PCDHA2: variants seen among roughly 807,000 people sequenced by gnomAD.
PCDHA2 encodes the protein protocadherin alpha-2.
PCDHA2 carries 58 observed loss-of-function variants against 66.0 expected under a neutral mutation model. The ratio of observed to expected loss-of-function variants is 0.88; its 90% CI spans 0.71 to 1.09. The LOEUF is 1.09. Ranked by LOEUF, PCDHA2 falls within the 50% of genes least tolerant of loss-of-function variation. The probability of loss-of-function intolerance (pLI) is 0.00; values close to 1 mark genes in which losing one functional copy is unlikely to be tolerated. For synonymous variants in PCDHA2, 634 were observed against 554.0 expected (o/e 1.14, Z -2.03); for missense variants, 1,267 against 1,242.3 (o/e 1.02, Z -0.30).
At chr5:140,802,769 C>T (rs267600384) in intron 1 of PCDHA2, 3 of 1,612,988 alleles carry the variant, frequency 1.9e-6, no homozygotes, top group Non-Finnish European at 2.5e-6. Flanking sequence ...AGCCGCTGGA[C>T]CACGAGGAGC....
At chr5:140,807,203 G>T (rs1562206612) in intron 1 of PCDHA2, 1 of 1,613,738 alleles carries the variant, frequency 6.2e-7, no homozygotes, top group South Asian at 1.1e-5. Flanking sequence ...GTTTTCCTGG[G>T]GAAGCGGCCA....
intron 1 of PCDHA2, among the ~76,000 whole-genome samples, chr5:140,846,372 T>C (rs1014223048): frequency 1.5e-5 from 1 of 66,612 alleles, no homozygotes; most frequent in Non-Finnish European, 3.6e-5. Flanking sequence ...TTTCTTTCTT[T>C]CTTTTTTTTT....
At chr5:141,000,381 CTCTCTCTCTCTCTCTA>C (rs1443323474) in intron 3 of PCDHA2, among the ~76,000 whole-genome samples, 1 of 61,380 alleles carries the variant, frequency 1.6e-5, no homozygotes, top group African/African-American at 7.4e-5. Flanking sequence ...CTCTCTCTCT[CTCTCTCTCTCTCTCTA>C]TATATATATA....
chr5:140,989,533 T>A (rs114286041), intron 3 of PCDHA2, among the ~76,000 whole-genome samples: 1 of 152,158 alleles, frequency 6.6e-6, no homozygotes, highest in Non-Finnish European at 1.5e-5. Context: ...AGGAGGAAGA[T>A]AGTTTGTAAT....
chr5:140,951,318 G>C (rs2094570791), intron 1 of PCDHA2, among the ~76,000 whole-genome samples: 1 of 152,038 alleles, frequency 6.6e-6, no homozygotes, highest in Non-Finnish European at 1.5e-5. Context: ...TGTTATTCTT[G>C]AGATTCATCA....
At chr5:140,946,277 AT>A (rs1554217463) in intron 1 of PCDHA2, among the ~76,000 whole-genome samples, 1 of 152,068 alleles carries the variant, frequency 6.6e-6, no homozygotes, top group Non-Finnish European at 1.5e-5. Flanking sequence ...TAAAACCCCA[AT>A]GAGATATCAC....
intron 1 of PCDHA2, among the ~76,000 whole-genome samples, chr5:140,887,915 C>T (rs566586212): frequency 6.6e-6 from 1 of 152,290 alleles, no homozygotes; most frequent in Non-Finnish European, 1.5e-5. Flanking sequence ...GTGTATTCTT[C>T]ATTTCAGAGA....
rs557035841 is a variant in PCDHA2, at chr5:140,907,537, A to G, written c.2389-71412A>G. On this transcript the variant is annotated intron_variant, in intron 1 of 3. Coordinates refer to ENST00000526136, the MANE Select transcript of PCDHA2 (RefSeq NM_018905.3). ...GTGAGGACAAATCGCTGCCCTTTCT[A>G]TGATGGAAGAGGTCCAATATAATCA... 7.9e-5 allele frequency among the ~76,000 whole-genome samples: 12 copies of G among 152,370 alleles called. No homozygotes were observed. The South Asian group carries it at 1.2e-3, about 16-fold the overall frequency.
chr5:140,952,442 A>G (rs1431756877), intron 1 of PCDHA2, among the ~76,000 whole-genome samples: 1 of 152,178 alleles, frequency 6.6e-6, no homozygotes, highest in African/African-American at 2.4e-5. Context: ...CAGGCATAAT[A>G]CAGCCAGGCT....
In PCDHA2 at chr5:140,966,814, C is replaced by G. The variant is rs782787958; in HGVS notation, c.2389-12135C>G. 4.5e-6 allele frequency: 7 copies of G among 1,552,328 alleles called. No individual in the cohort carries two copies. The East Asian group carries it at 1.2e-4, about 27-fold the overall frequency. On this transcript the variant is annotated intron_variant, in intron 1 of 3. Coordinates refer to ENST00000526136, the MANE Select transcript of PCDHA2 (RefSeq NM_018905.3). The stretch of plus-strand genomic sequence containing the variant: ...CTGCGGCGACAGAGCATCCACGGCT[C>G]CGGCGGCCCATGCCCTGGCTGCTGC...
At chr5:140,838,065 T>TTATA (rs144773480) in intron 1 of PCDHA2, among the ~76,000 whole-genome samples, 2 of 113,460 alleles carry the variant, frequency 1.8e-5, no homozygotes, top group Admixed American at 1.8e-4. Context: ...CCACTTTAAG[T>TTATA]TATATATATA....
chr5:140,976,691 C>T (rs1219355793), intron 1 of PCDHA2, among the ~76,000 whole-genome samples: 1 of 152,126 alleles, frequency 6.6e-6, no homozygotes, highest in Non-Finnish European at 1.5e-5. Context: ...AATTTAAGTA[C>T]AATAATGTTG....
chr5:140,829,465 C>T, intron 1 of PCDHA2: 1 of 1,613,822 alleles, frequency 6.2e-7, no homozygotes, highest in Non-Finnish European at 8.5e-7. Flanking sequence ...TCGCGCAGCC[C>T]GAGTACACAG....
At chr5:140,995,060 A>C (rs1424126097) in intron 3 of PCDHA2, among the ~76,000 whole-genome samples, 2 of 152,204 alleles carry the variant, frequency 1.3e-5, no homozygotes, top group African/African-American at 2.4e-5. Context: ...AATTTTCAAA[A>C]ATCAACCTAC....
rs540789660 is a variant in PCDHA2 at position 140,802,461 on chromosome 5, G to T, written c.2388+5109G>T. On this transcript the variant is annotated intron_variant, in intron 1 of 3. Transcript: ENST00000526136. The stretch of plus-strand genomic sequence containing the variant: ...GGACCGCGAGAGCGTGTCGGCCTAT[G>T]AGCTGGTGGTGACTGCTCGGGACGG... The T allele has an allele frequency of 5.0e-6, 8 of 1,614,214 alleles. No individual in the cohort carries two copies. In the African/African-American group the frequency reaches 1.1e-4, roughly 22 times the overall value.
Position 140,890,095 on chromosome 5 carries a change from C to T in PCDHA2, c.2389-88854C>T, listed in dbSNP as rs1237299507. On this transcript the variant is annotated intron_variant, in intron 1 of 3. Coordinates refer to ENST00000526136, the MANE Select transcript of PCDHA2 (RefSeq NM_018905.3). ...TGAGAACTGATAATGCAAATTTATT[C>T]CCAACTCTGGATTCAATGATGTCAC... Among the ~76,000 whole-genome samples the T allele has an allele frequency of 2.6e-5, 4 of 152,128 alleles. 1 individual carries two copies. The highest frequency in any genetic ancestry group is 1.3e-4 in the Admixed American group (2 of 15,262).
chr5:140,897,695 C>T (rs1417139429), intron 1 of PCDHA2, among the ~76,000 whole-genome samples: 12 of 152,090 alleles, frequency 7.9e-5, no homozygotes, highest in South Asian at 4.2e-4. Flanking sequence ...GTCCTTTGGG[C>T]ATATACCCAG....
At chr5:140,849,221 C>T (rs1383448278) in intron 1 of PCDHA2, 3 of 1,037,238 alleles carry the variant, frequency 2.9e-6, no homozygotes, top group Admixed American at 2.8e-5. Flanking sequence ...CCCCAGTGTT[C>T]GACAGAACCC....
At chr5:140,799,637 ATTAAT>A (rs1325119948) in intron 1 of PCDHA2, among the ~76,000 whole-genome samples, 1 of 152,096 alleles carries the variant, frequency 6.6e-6, no homozygotes, top group Non-Finnish European at 1.5e-5. Context: ...AATTCAAAAT[ATTAAT>A]TTATTTATTC....
Sources: allele counts gnomAD v4.1 joint callset (sites outside exome capture counted in the v4.1 genomes callset), GRCh38; gene constraint gnomAD v4.1.1; transcripts MANE v1.5; gene names NCBI Gene and HGNC (gene_info 2026-07-23, HGNC 2026-07-21).